LMTK2: variants seen among roughly 807,000 people sequenced by gnomAD.
The protein encoded by LMTK2 is lemur tail kinase 2.
A neutral mutation model predicts 127.5 loss-of-function variants in LMTK2; 37 were observed. The ratio of observed to expected loss-of-function variants is 0.29; its 90% CI spans 0.22 to 0.38. The LOEUF (loss-of-function observed/expected upper bound fraction) is 0.38, where lower values mean the gene tolerates loss of function less well. LMTK2 is among the 10% of genes least tolerant of loss of function. The probability of loss-of-function intolerance (pLI) is 1.00; values close to 1 mark genes in which losing one functional copy is unlikely to be tolerated. For synonymous variants in LMTK2, 819 were observed against 810.1 expected (o/e 1.01, Z -0.19); for missense variants, 1,694 against 1,920.3 (o/e 0.88, Z 2.20).
At chr7:98,180,795 A>C (rs1233609950) in intron 7 of LMTK2, among the ~76,000 whole-genome samples, 1 of 152,242 alleles carries the variant, frequency 6.6e-6, no homozygotes, top group East Asian at 1.9e-4. Flanking sequence ...TTACTCAAGT[A>C]ATACAAGCTG....
chr7:98,172,157 T>C (rs1172328226), intron 7 of LMTK2, among the ~76,000 whole-genome samples: 1 of 152,146 alleles, frequency 6.6e-6, no homozygotes, highest in African/African-American at 2.4e-5. Context: ...AGGTGCCCAT[T>C]TGGAAGCAGA....
rs376194295 is a variant in LMTK2 at position 98,136,005 on chromosome 7, T to C, written c.104-1310T>C. Among the ~76,000 whole-genome samples the C allele has an allele frequency of 7.0e-4, 107 of 152,080 alleles. No individual in the cohort carries two copies. In the South Asian group the frequency reaches 0.022, roughly 31 times the overall value. On this transcript the variant is annotated intron_variant, in intron 1 of 13. Transcript: ENST00000297293. ...CCCTGCTTATCATGACCAGAGCTCC[T>C]TGGAGCAATGGCTGGTTCTCAAGCA... is the stretch of plus-strand genomic sequence containing the variant.
Position 98,194,138 on chromosome 7 carries a change from C to T in LMTK2, c.3673C>T (p.Leu1225Phe), listed in dbSNP as rs145765916. 1 of 1,614,126 alleles carries T rather than the reference C, an allele frequency of 6.2e-7. No homozygotes were observed. Among genetic ancestry groups the T allele is most frequent in the Non-Finnish European group, 8.5e-7 (1 of 1,180,042 alleles). ...FETQDDRPCTLASTGTNTNEL... is the reference protein window; with the variant it reads ...FETQDDRPCTFASTGTNTNEL... ...GACACAGGACGATCGCCCCTGCACC[C>T]TCGCTTCCACGGGGACCAACACGAA... The change falls in exon 11 of 14, where the codon CTC (leucine) becomes TTC (phenylalanine). Residue 1225 changes from leucine to phenylalanine, a missense_variant. This residue lies in a region of LMTK2 where 554 missense variants were observed against 567.7 expected (regional missense o/e 0.98). Coordinates refer to ENST00000297293, the MANE Select transcript of LMTK2 (RefSeq NM_014916.4). The surrounding 1 kb of genome is among the most constrained non-coding windows in gnomAD (Gnocchi z 5.4).
chr7:98,200,359 A>G (rs1797689124), intron 11 of LMTK2, among the ~76,000 whole-genome samples: 1 of 152,232 alleles, frequency 6.6e-6, no homozygotes. Flanking sequence ...AGAGGAAATG[A>G]ATAGTATTAT....
At chr7:98,160,035 T>C (rs548116611) in intron 6 of LMTK2, among the ~76,000 whole-genome samples, 2 of 152,390 alleles carry the variant, frequency 1.3e-5, no homozygotes, top group African/African-American at 4.8e-5. Context: ...GTAATTTCTA[T>C]GTGAAATTTC....
In LMTK2 at chr7:98,174,214, T is replaced by A. The variant is rs559871663; in HGVS notation, c.791+2540T>A. On this transcript the variant is annotated intron_variant, in intron 7 of 13. Coordinates refer to ENST00000297293, the MANE Select transcript of LMTK2 (RefSeq NM_014916.4). The stretch of plus-strand genomic sequence containing the variant: ...TGTCAGTAGCATATCATATAGTATA[T>A]TTTTAAGTTGGAATTTAGAATATTT... 8.5e-5 allele frequency among the ~76,000 whole-genome samples: 13 copies of A among 152,310 alleles called. No individual in the cohort carries two copies. In the South Asian group the frequency reaches 2.7e-3, roughly 32 times the overall value.
In LMTK2 at chr7:98,137,284, T is replaced by C. The variant is rs755529891; in HGVS notation, c.104-31T>C. On this transcript the variant is annotated intron_variant, in intron 1 of 13. Transcript: ENST00000297293. ...ATTAAAGTTGATTTTGGAATGTACA[T>C]GTTTTTAATATTATTTATCTCTCTT... 6.3e-6 allele frequency: 10 copies of C among 1,590,794 alleles called. No homozygotes were observed. The South Asian group carries it at 9.2e-5, about 15-fold the overall frequency.
intron 1 of LMTK2, among the ~76,000 whole-genome samples, chr7:98,107,889 A>G (rs1178437843): frequency 1.3e-5 from 2 of 152,128 alleles, no homozygotes; most frequent in African/African-American, 2.4e-5. Context: ...CTTAAGGGTG[A>G]TGGAAGTTTC....
chr7:98,206,499 C>G lies in LMTK2; in HGVS notation c.*1007C>G, dbSNP rs1454899871. 1 of 152,246 alleles carries G rather than the reference C, an allele frequency of 6.6e-6. No homozygotes were observed. Among genetic ancestry groups the G allele is most frequent in the Non-Finnish European group, 1.5e-5 (1 of 68,050 alleles). 9.4% of individuals were successfully genotyped at this position (152,246 alleles called of 1,614,324 possible). ...GGCGTGGCAGGTCCAGAGAGCTGCA[C>G]CCTGCACGGGGCACCGCACCGCTTC... On this transcript the variant is annotated 3_prime_UTR_variant, in exon 14 of 14. Transcript: ENST00000297293.
At position 98,170,968 on chromosome 7, in the gene LMTK2, ATGTTC is replaced by A. The variant is rs1797181712; in HGVS notation, c.658-571_658-567del. 1.3e-5 allele frequency among the ~76,000 whole-genome samples: 2 copies of A among 152,058 alleles called. 1 individual carries two copies. Among genetic ancestry groups the A allele is most frequent in the East Asian group, 3.9e-4 (2 of 5,176 alleles). Reference sequence around the variant, plus strand: ...GGTGAGTTTTTCTGGAGTGGCTGAAATGTTCTTTCTCTTCACCGTCTCAGGATAGC... The same window carrying A: ...GGTGAGTTTTTCTGGAGTGGCTGAAATTTCTCTTCACCGTCTCAGGATAGC... On this transcript the variant is annotated intron_variant, in intron 6 of 13. Coordinates refer to ENST00000297293, the MANE Select transcript of LMTK2 (RefSeq NM_014916.4).
intron 1 of LMTK2, among the ~76,000 whole-genome samples, chr7:98,128,180 T>G (rs1361785155): frequency 1.3e-5 from 2 of 151,838 alleles, no homozygotes; most frequent in African/African-American, 4.8e-5. Context: ...ATTAAAAAGG[T>G]GAAAAGATTA....
Position 98,208,532 on chromosome 7 carries a change from C to T in LMTK2, c.*3040C>T, listed in dbSNP as rs1797842988. The T allele has an allele frequency of 1.3e-5, 2 of 152,200 alleles. No homozygotes were observed. The highest frequency in any genetic ancestry group is 2.9e-5 in the Non-Finnish European group (2 of 68,036). The allele number at this position is 152,200 out of a possible 1,614,324, so 9.4% of individuals were successfully genotyped here. A position where few individuals can be genotyped will look rare whatever the true frequency, so the allele number is the denominator to read the frequency against. ...GAAGGTTAGAATATTTTCTGGCCTTCTATGGGGTAGCAACCCAGAATCAAT... is the reference window on the plus strand; with the variant it reads ...GAAGGTTAGAATATTTTCTGGCCTTTTATGGGGTAGCAACCCAGAATCAAT... On this transcript the variant is annotated 3_prime_UTR_variant, in exon 14 of 14. Transcript: ENST00000297293.
chr7:98,199,415 T>C (rs994951389), intron 11 of LMTK2, among the ~76,000 whole-genome samples: 5 of 152,260 alleles, frequency 3.3e-5, no homozygotes, highest in Admixed American at 3.3e-4. Flanking sequence ...AGGATGATGA[T>C]GTCTTCTTGC....
At chr7:98,170,533 C>CTT (rs202096792) in intron 6 of LMTK2, among the ~76,000 whole-genome samples, 1 of 142,564 alleles carries the variant, frequency 7.0e-6, no homozygotes, top group Non-Finnish European at 1.5e-5. Context: ...CCTCAGGAGT[C>CTT]TTTTTTTTTT....
rs1345849315 is a variant in LMTK2, at chr7:98,207,471, A to G, written c.*1979A>G. The G allele has an allele frequency of 6.6e-6, 1 of 150,896 alleles. No homozygotes were observed. Among genetic ancestry groups the G allele is most frequent in the Admixed American group, 6.6e-5 (1 of 15,170 alleles). 9.3% of individuals were successfully genotyped at this position (150,896 alleles called of 1,614,324 possible). On this transcript the variant is annotated 3_prime_UTR_variant, in exon 14 of 14. Coordinates refer to ENST00000297293, the MANE Select transcript of LMTK2 (RefSeq NM_014916.4). ...GGTGGATGCGGTGCCCACCTGGGCT[A>G]TGTGGGGAGCACCACTGTCTCGGGA...
At chr7:98,113,157 ATGGGAGATAGT>A (rs1214537867) in intron 1 of LMTK2, among the ~76,000 whole-genome samples, 1 of 152,122 alleles carries the variant, frequency 6.6e-6, no homozygotes, top group Non-Finnish European at 1.5e-5. Flanking sequence ...GAGGAACCCC[ATGGGAGATAGT>A]TGAATCATGG....
chr7:98,189,189 C>T (rs978261851), intron 9 of LMTK2, among the ~76,000 whole-genome samples: 2 of 152,152 alleles, frequency 1.3e-5, no homozygotes, highest in East Asian at 1.9e-4. Context: ...GTAGTGTCCA[C>T]GGTGAGCAGT....
At chr7:98,137,732 G>A (rs967276459) in intron 2 of LMTK2, among the ~76,000 whole-genome samples, 15 of 152,224 alleles carry the variant, frequency 9.9e-5, no homozygotes, top group African/African-American at 2.9e-4. Flanking sequence ...TGCATCAGCT[G>A]TAGTTTGCTC....
Position 98,208,894 on chromosome 7 carries a change from G to A in LMTK2, c.*3402G>A, listed in dbSNP as rs527249945. The A allele has an allele frequency of 6.6e-6, 1 of 152,352 alleles. No homozygotes were observed. The highest frequency in any genetic ancestry group is 2.1e-4 in the South Asian group (1 of 4,828). 9.4% of individuals were successfully genotyped at this position (152,352 alleles called of 1,614,324 possible). A position where few individuals can be genotyped will look rare whatever the true frequency, so the allele number is the denominator to read the frequency against. On this transcript the variant is annotated 3_prime_UTR_variant, in exon 14 of 14. Transcript: ENST00000297293. ...TTGGTTTGTCTTGCTGCTGTAAAAGGCCTTTCCAAACCCCTCCTTTTATTC... is the reference window on the plus strand; with the variant it reads ...TTGGTTTGTCTTGCTGCTGTAAAAGACCTTTCCAAACCCCTCCTTTTATTC...
Sources: gnomAD v4.1 joint callset for allele counts (sites outside exome capture counted in the v4.1 genomes callset) on GRCh38, gnomAD v4.1.1 for gene constraint, gnomAD v4.1.1 regional missense constraint, Gnocchi (gnomAD v3.1) non-coding constraint, MANE v1.5 for transcripts, NCBI Gene and HGNC (gene_info 2026-07-23, HGNC 2026-07-21) for gene names.